Variants in ZW10 observed in about 807,000 individuals in gnomAD.
The protein encoded by ZW10 is zw10 kinetochore protein.
In ZW10, 53 loss-of-function variants were observed where a neutral mutation model predicts 87.8. That is an observed-to-expected ratio of 0.60 (90% CI 0.48 to 0.76). ZW10 has a LOEUF of 0.76. ZW10 is among the 30% of genes least tolerant of loss of function. The probability of loss-of-function intolerance (pLI) is 0.00; values close to 1 mark genes in which losing one functional copy is unlikely to be tolerated. For missense variants in ZW10, 837 were observed against 923.0 expected (o/e 0.91, Z 1.21); for synonymous variants, 312 against 329.2 (o/e 0.95, Z 0.57).
At chr11:113,752,262 ATGTGTGTGTG>A (rs145208653) in intron 7 of ZW10, among the ~76,000 whole-genome samples, 2 of 149,052 alleles carry the variant, frequency 1.3e-5, no homozygotes, top group African/African-American at 2.5e-5. Flanking sequence ...CATGAACAAG[ATGTGTGTGTG>A]TGTGTGTGTG....
intron 8 of ZW10, 65 bp downstream of exon 8, chr11:113,748,192 A>G: frequency 6.9e-7 from 1 of 1,441,056 alleles, no homozygotes; most frequent in Non-Finnish European, 9.2e-7. Context: ...CTCCAAGGAA[A>G]AACAAAAGAC....
intron 9 of ZW10, among the ~76,000 whole-genome samples, chr11:113,744,764 C>G (rs1953662848): frequency 6.6e-6 from 1 of 152,046 alleles, no homozygotes; most frequent in South Asian, 2.1e-4. Context: ...CTATATGGCC[C>G]AGGCGGGTCT....
chr11:113,755,060 T>C (rs1382582192), intron 7 of ZW10, among the ~76,000 whole-genome samples: 1 of 152,196 alleles, frequency 6.6e-6, no homozygotes, highest in South Asian at 2.1e-4. Context: ...AGAACTCTGA[T>C]GGAGATAAAC....
intron 11 of ZW10, 56 bp from the exon 12 acceptor site, chr11:113,739,438 G>T (rs1192918385): frequency 6.8e-7 from 1 of 1,478,928 alleles, no homozygotes; most frequent in Non-Finnish European, 9.1e-7. Context: ...TGAAGCTGGG[G>T]TTGATGAAAG....
chr11:113,750,073 A>G (rs1019355304), intron 7 of ZW10, among the ~76,000 whole-genome samples: 7 of 152,242 alleles, frequency 4.6e-5, no homozygotes, highest in African/African-American at 1.4e-4. Flanking sequence ...TAATTATGAT[A>G]TTATTCTTTT....
At chr11:113,762,171 A>C (rs943594309) in intron 2 of ZW10, among the ~76,000 whole-genome samples, 1 of 152,238 alleles carries the variant, frequency 6.6e-6, no homozygotes, top group Non-Finnish European at 1.5e-5. Flanking sequence ...TAGGCTATAT[A>C]AAACTATTGC....
rs775877234 is a variant in ZW10, at chr11:113,736,621, G to A, written c.2218C>T (p.Arg740Trp). 51 of 1,613,952 alleles carry A rather than the reference G, an allele frequency of 3.2e-5. No homozygotes were observed. Among genetic ancestry groups the A allele is most frequent in the South Asian group, 1.5e-4 (14 of 91,078 alleles). ...LQASLQEIGD[R>W]WADGKGPLAA... ...CCTCTATAGAAGGGTTATACATACC[G>A]ATCCCCAATTTCTTGCAAGCTGGCT... The change falls in exon 15 of 16, where the codon CGG becomes TGG. Residue 740 changes from arginine to tryptophan, a missense_variant and splice_region_variant. Coordinates refer to ENST00000200135, the MANE Select transcript of ZW10 (RefSeq NM_004724.4).
chr11:113,734,207 TCAATAGTGAAAC>T (rs1385927982), intron 15 of ZW10, among the ~76,000 whole-genome samples: 1 of 152,076 alleles, frequency 6.6e-6, no homozygotes, highest in African/African-American at 2.4e-5. Flanking sequence ...GTCCCATGAA[TCAATAGTGAAAC>T]CACAAACAAC....
chr11:113,769,854 G>T (rs1431236949), intron 1 of ZW10: 14 of 350,658 alleles, frequency 4.0e-5, no homozygotes, highest in South Asian at 3.4e-4. Flanking sequence ...AGCTGCAGAA[G>T]TTTCTCCAGA....
At chr11:113,744,342 G>A (rs1205710380) in intron 9 of ZW10, among the ~76,000 whole-genome samples, 1 of 152,070 alleles carries the variant, frequency 6.6e-6, no homozygotes, top group East Asian at 1.9e-4. Context: ...AGCGGAGCTT[G>A]TAGTGAGCTG....
chr11:113,750,815 G>GAA (rs1026940815), intron 7 of ZW10, among the ~76,000 whole-genome samples: 4 of 150,228 alleles, frequency 2.7e-5, no homozygotes, highest in African/African-American at 9.8e-5. Flanking sequence ...GCACAAAAAA[G>GAA]AAAATCCTTT....
At chr11:113,750,038 G>A (rs1953718769) in intron 7 of ZW10, among the ~76,000 whole-genome samples, 1 of 152,084 alleles carries the variant, frequency 6.6e-6, no homozygotes, top group South Asian at 2.1e-4. Flanking sequence ...AATTGTAATA[G>A]GTAGTTGAAC....
Position 113,736,751 on chromosome 11 carries a change from T to C in ZW10, c.2088A>G (p.Val696=). 1 of 1,614,198 alleles carries C rather than the reference T, an allele frequency of 6.2e-7. No homozygotes were observed. Among genetic ancestry groups the C allele is most frequent in the Non-Finnish European group, 8.5e-7 (1 of 1,180,034 alleles). Residue 696 remains valine (V), a synonymous_variant, in exon 15 of 16, where the codon GTA becomes GTG. Transcript: ENST00000200135. ...TGCTTTCTTCAGATAAAGGTGCAAA[T>C]ACTTGGGGTCCTTCATCCATCACTG... ...CKTVMDEGPQ[V]FAPLSEESKN...
At chr11:113,743,521 C>T (rs1953646143) in intron 10 of ZW10, among the ~76,000 whole-genome samples, 3 of 152,154 alleles carry the variant, frequency 2.0e-5, no homozygotes, top group African/African-American at 7.2e-5. Context: ...AAGTGATTAA[C>T]AATTTTTAAT....
intron 2 of ZW10, among the ~76,000 whole-genome samples, chr11:113,762,203 A>G (rs1953867687): frequency 6.6e-6 from 1 of 152,234 alleles, no homozygotes; most frequent in Non-Finnish European, 1.5e-5. Flanking sequence ...AAACCCATAC[A>G]GCATGTTACT....
chr11:113,763,867 G>C (rs1035007188), intron 2 of ZW10, among the ~76,000 whole-genome samples: 1 of 152,120 alleles, frequency 6.6e-6, no homozygotes, highest in Non-Finnish European at 1.5e-5. Context: ...AGTTTAATTA[G>C]ATCCCATTTG....
chr11:113,738,667 C>T (rs1483666268), intron 12 of ZW10, among the ~76,000 whole-genome samples: 2 of 152,076 alleles, frequency 1.3e-5, no homozygotes, highest in Non-Finnish European at 2.9e-5. Flanking sequence ...AAAGGAACTA[C>T]TTATTATTCT....
chr11:113,766,373 A>C (rs1318482886), intron 2 of ZW10, among the ~76,000 whole-genome samples: 1 of 152,046 alleles, frequency 6.6e-6, no homozygotes, highest in Admixed American at 6.5e-5. Context: ...AAAAAAATAA[A>C]AAATAAGAAT....
intron 14 of ZW10, 114 bp downstream of exon 14, chr11:113,737,458 G>T: frequency 9.8e-7 from 1 of 1,015,334 alleles, no homozygotes; most frequent in Non-Finnish European, 1.3e-6. Flanking sequence ...AAAAAAAACA[G>T]CATGAGTTAG....
Sources: gnomAD v4.1 joint callset for allele counts (sites outside exome capture counted in the v4.1 genomes callset) on GRCh38, gnomAD v4.1.1 for gene constraint, MANE v1.5 for transcripts, NCBI Gene and HGNC (gene_info 2026-07-23, HGNC 2026-07-21) for gene names.